Variants in RSPH14 observed in about 807,000 individuals in gnomAD.
RSPH14 encodes the protein radial spoke head 14 homolog.
Under a neutral mutation model 26.7 loss-of-function variants are expected in RSPH14, and 20 were observed. The ratio of observed to expected loss-of-function variants is 0.75; its 90% CI spans 0.53 to 1.09. RSPH14 has a LOEUF of 1.09. Among genes scored for constraint, RSPH14 ranks in the 50% least tolerant of loss-of-function variants. The pLI is 0.00. For synonymous variants in RSPH14, 177 were observed against 189.3 expected (o/e 0.93, Z 0.53); for missense variants, 449 against 457.2 (o/e 0.98, Z 0.16).
chr22:23,160,139 C>T, the RSPH14 span, among the ~76,000 whole-genome samples: 5 of 152,156 alleles, frequency 3.3e-5, no homozygotes, highest in Non-Finnish European at 4.4e-5. Flanking sequence ...GATATCTAGT[C>T]GGAGACTGGG....
intron 4 of RSPH14, among the ~76,000 whole-genome samples, chr22:23,116,001 G>C (rs185038960): frequency 6.6e-6 from 1 of 152,226 alleles, no homozygotes; most frequent in African/African-American, 2.4e-5. Context: ...AAGGTGCCGC[G>C]CATGTGCCAG....
chr22:23,135,820 A>G (rs2070468672), intron 3 of RSPH14, among the ~76,000 whole-genome samples: 1 of 152,200 alleles, frequency 6.6e-6, no homozygotes, highest in Admixed American at 6.5e-5. Context: ...TGATTAACCA[A>G]CTGACTGCTG....
At position 23,134,102 on chromosome 22, in the gene RSPH14, G is replaced by A. The variant is rs1262496041; in HGVS notation, c.345C>T (p.Phe115=). The A allele has an allele frequency of 6.8e-6, 11 of 1,613,404 alleles. No individual in the cohort carries two copies. The highest frequency in any genetic ancestry group is 9.3e-6 in the Non-Finnish European group (11 of 1,179,600). The change falls in exon 4 of 7, where the codon TTC becomes TTT. Residue 115 remains phenylalanine, a synonymous_variant. Transcript: ENST00000216036. ...AGACTGGGCTGGGGTCATTCAGCAG[G>A]AAGGACAGGGCAAGGACGATGTCGT... ...LEHDIVLALS[F]LLNDPSPVCR... is the part of the protein sequence containing the mutation.
intron 4 of RSPH14, chr22:23,131,681 C>T (rs1382605699): frequency 7.7e-7 from 1 of 1,291,664 alleles, no homozygotes. Flanking sequence ...CAGGTTCCTG[C>T]ATGGTGAGCA....
chr22:23,106,714 G>T (rs545754426), intron 4 of RSPH14, among the ~76,000 whole-genome samples: 1 of 152,342 alleles, frequency 6.6e-6, no homozygotes, highest in Admixed American at 6.5e-5. Context: ...AGAGCCTGGC[G>T]CAGGGCATGC....
chr22:23,100,762 C>T (rs1056297477), intron 4 of RSPH14, among the ~76,000 whole-genome samples: 1 of 152,214 alleles, frequency 6.6e-6, no homozygotes, highest in Admixed American at 6.5e-5. Context: ...AGAGCTGGAG[C>T]TCCAGAGCCC....
chr22:23,161,011 G>A, the RSPH14 span: 3 of 1,594,700 alleles, frequency 1.9e-6, no homozygotes, highest in Non-Finnish European at 1.7e-6. Flanking sequence ...GAGTATAGGT[G>A]TGACTGGGTT....
intron 4 of RSPH14, among the ~76,000 whole-genome samples, chr22:23,118,694 G>A (rs1332570187): frequency 2.0e-5 from 3 of 152,246 alleles, no homozygotes; most frequent in African/African-American, 7.2e-5. Flanking sequence ...TGAATCCAGG[G>A]TCTGTCAGGC....
chr22:23,102,014 G>C (rs190582833), intron 4 of RSPH14, among the ~76,000 whole-genome samples: 7 of 152,348 alleles, frequency 4.6e-5, no homozygotes, highest in Admixed American at 2.6e-4. Flanking sequence ...GATGGGGCCA[G>C]CCTCAAGAGG....
chr22:23,168,158 C>A, the RSPH14 span, among the ~76,000 whole-genome samples: 131 of 152,306 alleles, frequency 8.6e-4, no homozygotes, highest in East Asian at 7.0e-3. Context: ...CTCCCGCAGC[C>A]CACACGGCAG....
At chr22:23,167,270 C>T in the RSPH14 span, among the ~76,000 whole-genome samples, 2 of 152,228 alleles carry the variant, frequency 1.3e-5, no homozygotes, top group Non-Finnish European at 2.9e-5. Context: ...CAACCAAGCT[C>T]AGCCCTCCTC....
intron 4 of RSPH14, chr22:23,124,214 GTTTTT>G: frequency 6.9e-6 from 1 of 145,494 alleles, no homozygotes; most frequent in Non-Finnish European, 1.5e-5. Context: ...TTGTTTTTTG[GTTTTT>G]TTTTTTTTTT....
chr22:23,166,259 A>G, the RSPH14 span, among the ~76,000 whole-genome samples: 1 of 142,686 alleles, frequency 7.0e-6, no homozygotes, highest in Non-Finnish European at 1.5e-5. Flanking sequence ...TTTGGCCAAA[A>G]TGGGGCATTT....
chr22:23,160,872 C>T, the RSPH14 span: 23 of 1,611,956 alleles, frequency 1.4e-5, no homozygotes, highest in Non-Finnish European at 1.9e-5. Flanking sequence ...GTCTTGTGGG[C>T]CCACAGGCGA....
chr22:23,124,192 T>G lies in RSPH14; in HGVS notation c.421+9834A>C, dbSNP rs1213360914. On this transcript the variant is annotated intron_variant, in intron 4 of 6. Transcript: ENST00000216036. ...AAACCTGGTTTTCCTTCTCTGACATTTTTTTTTTGTTTTGTTTTTTGGTTT... is the reference window on the plus strand; with the variant it reads ...AAACCTGGTTTTCCTTCTCTGACATGTTTTTTTTGTTTTGTTTTTTGGTTT... The G allele has an allele frequency of 1.7e-5, 3 of 173,516 alleles. No individual in the cohort carries two copies. In the East Asian group the frequency reaches 4.7e-4, roughly 27 times the overall value. 10.7% of individuals were successfully genotyped at this position (173,516 alleles called of 1,614,324 possible).
the RSPH14 span, chr22:23,159,132 A>C: frequency 6.2e-7 from 1 of 1,607,328 alleles, no homozygotes; most frequent in Non-Finnish European, 8.5e-7. Flanking sequence ...GAGAGCCGGG[A>C]CGCTGGGTCA....
intron 4 of RSPH14, among the ~76,000 whole-genome samples, chr22:23,087,518 C>T (rs911118086): frequency 5.3e-5 from 8 of 152,082 alleles, no homozygotes; most frequent in South Asian, 2.1e-4. Flanking sequence ...TAGACAGAGC[C>T]GATTCTTCAA....
chr22:23,156,434 G>A, the RSPH14 span: 1 of 167,626 alleles, frequency 6.0e-6, no homozygotes, highest in Non-Finnish European at 1.3e-5. Context: ...GACCACGGGA[G>A]GACTGGGAGG....
At chr22:23,132,393 G>A (rs190839878) in intron 4 of RSPH14, among the ~76,000 whole-genome samples, 1 of 152,310 alleles carries the variant, frequency 6.6e-6, no homozygotes, top group Non-Finnish European at 1.5e-5. Context: ...CTCTCGAGCC[G>A]TGGTATCGGG....
Sources: allele counts gnomAD v4.1 joint callset (sites outside exome capture counted in the v4.1 genomes callset), GRCh38; gene constraint gnomAD v4.1.1; transcripts MANE v1.5; gene names NCBI Gene and HGNC (gene_info 2026-07-23, HGNC 2026-07-21).